Variants in TENM3 observed in about 807,000 individuals in gnomAD.
The protein encoded by TENM3 is teneurin-3.
A neutral mutation model predicts 255.1 loss-of-function variants in TENM3; 63 were observed. That is an observed-to-expected ratio of 0.25 (90% CI 0.20 to 0.30). The LOEUF is 0.30. Among genes scored for constraint, TENM3 ranks in the 10% least tolerant of loss-of-function variants. TENM3 has a pLI of 1.00. For missense variants in TENM3, 2,929 were observed against 3,461.1 expected (o/e 0.85, Z 3.86); for synonymous variants, 1,306 against 1,322.3 (o/e 0.99, Z 0.27).
At chr4:182,722,396 G>A (rs1240194923) in intron 13 of TENM3, among the ~76,000 whole-genome samples, 1 of 152,112 alleles carries the variant, frequency 6.6e-6, no homozygotes, top group Non-Finnish European at 1.5e-5. Context: ...CCTTCATTTA[G>A]CAAATGTATT....
At chr4:181,783,862 G>T in the TENM3 span, among the ~76,000 whole-genome samples, 1 of 152,038 alleles carries the variant, frequency 6.6e-6, no homozygotes, top group Non-Finnish European at 1.5e-5. Context: ...ACTATTCTCA[G>T]CTAAATTTTT....
chr4:181,755,426 A>G, the TENM3 span, among the ~76,000 whole-genome samples: 1 of 152,034 alleles, frequency 6.6e-6, no homozygotes, highest in African/African-American at 2.4e-5. Context: ...GATTGTTCTA[A>G]TTAAAAATCT....
At chr4:182,252,955 C>G (rs1192961812) in intron 1 of TENM3, among the ~76,000 whole-genome samples, 1 of 152,148 alleles carries the variant, frequency 6.6e-6, no homozygotes, top group African/African-American at 2.4e-5. Flanking sequence ...GGATCTGGAC[C>G]CAGGCCTCTC....
intron 16 of TENM3, among the ~76,000 whole-genome samples, chr4:182,731,717 G>A (rs886386432): frequency 3.3e-5 from 5 of 150,460 alleles, no homozygotes; most frequent in Admixed American, 2.6e-4. Context: ...GTGTGTGTGT[G>A]TGTGTGTGTG....
At chr4:182,010,142 T>A in the TENM3 span, among the ~76,000 whole-genome samples, 1 of 152,218 alleles carries the variant, frequency 6.6e-6, no homozygotes, top group Admixed American at 6.5e-5. Flanking sequence ...TAGTCGGCCA[T>A]CTTGGCCCCG....
At chr4:181,560,218 C>T in the TENM3 span, among the ~76,000 whole-genome samples, 1 of 150,010 alleles carries the variant, frequency 6.7e-6, no homozygotes, top group Admixed American at 6.7e-5. Flanking sequence ...TGTGGCTTCA[C>T]ATGGCAGAAG....
intron 1 of TENM3, among the ~76,000 whole-genome samples, chr4:182,247,676 G>A (rs1434084804): frequency 5.9e-5 from 9 of 152,154 alleles, no homozygotes; most frequent in Admixed American, 5.9e-4. Flanking sequence ...TTACTGAAAT[G>A]ACAAATAAGT....
intron 19 of TENM3, among the ~76,000 whole-genome samples, chr4:182,746,444 T>G (rs899122534): frequency 2.6e-5 from 4 of 152,166 alleles, no homozygotes; most frequent in African/African-American, 9.7e-5. Flanking sequence ...AGACATGTTC[T>G]GAGAGTAATC....
intron 1 of TENM3, among the ~76,000 whole-genome samples, chr4:182,162,444 A>G (rs1329655606): frequency 6.6e-6 from 1 of 152,148 alleles, no homozygotes; most frequent in Non-Finnish European, 1.5e-5. Context: ...TTAAGTCTGA[A>G]GATGTGGAAT....
chr4:181,586,387 G>A, the TENM3 span, among the ~76,000 whole-genome samples: 5 of 152,112 alleles, frequency 3.3e-5, no homozygotes, highest in African/African-American at 7.2e-5. Flanking sequence ...ATAAGAACAC[G>A]TACTTCACAT....
chr4:182,746,264 A>G (rs1445927830), intron 19 of TENM3, among the ~76,000 whole-genome samples: 1 of 152,178 alleles, frequency 6.6e-6, no homozygotes, highest in Non-Finnish European at 1.5e-5. Context: ...AAAGGAAGAG[A>G]TTACTGGGAG....
chr4:181,647,791 C>T, the TENM3 span, among the ~76,000 whole-genome samples: 3 of 151,920 alleles, frequency 2.0e-5, no homozygotes, highest in Admixed American at 2.0e-4. Context: ...TTCTTGGTAG[C>T]GAAGAAACAC....
At chr4:182,415,582 A>C (rs1172462729) in intron 3 of TENM3, among the ~76,000 whole-genome samples, 1 of 152,156 alleles carries the variant, frequency 6.6e-6, no homozygotes, top group Non-Finnish European at 1.5e-5. Context: ...AATTGCATTA[A>C]AAATTTTAAA....
chr4:182,114,176 G>A, the TENM3 span, among the ~76,000 whole-genome samples: 3 of 152,180 alleles, frequency 2.0e-5, no homozygotes, highest in East Asian at 5.8e-4. Flanking sequence ...TAATCAGTTT[G>A]TTAGAATCAT....
chr4:182,364,215 ATCATTT>A (rs1766238709), intron 3 of TENM3, among the ~76,000 whole-genome samples: 1 of 152,022 alleles, frequency 6.6e-6, no homozygotes, highest in Non-Finnish European at 1.5e-5. Flanking sequence ...TTAAGAATAA[ATCATTT>A]GAGTGTTTAA....
intron 3 of TENM3, among the ~76,000 whole-genome samples, chr4:182,370,812 T>A (rs1167386023): frequency 6.6e-6 from 1 of 152,190 alleles, no homozygotes; most frequent in African/African-American, 2.4e-5. Context: ...TTCTGCTTTC[T>A]GTTGCTAAAG....
At position 182,800,396 on chromosome 4, in the gene TENM3, G is replaced by A. The variant is rs371138677; in HGVS notation, c.*45G>A. On this transcript the variant is annotated 3_prime_UTR_variant, in exon 28 of 28. Coordinates refer to ENST00000511685, the MANE Select transcript of TENM3 (RefSeq NM_001080477.4). ...GAGCCGCTCACGCCCTGCCCACATT[G>A]TCCTGTGGCACAACCCGAGTGGGAC... 3.3e-6 allele frequency: 5 copies of A among 1,513,636 alleles called. No individual in the cohort carries two copies. 93.8% of individuals were successfully genotyped at this position (1,513,636 alleles called of 1,614,324 possible). A position where few individuals can be genotyped will look rare whatever the true frequency, so the allele number is the denominator to read the frequency against.
At chr4:182,082,390 T>C in the TENM3 span, among the ~76,000 whole-genome samples, 4 of 152,172 alleles carry the variant, frequency 2.6e-5, no homozygotes, top group Non-Finnish European at 5.9e-5. Context: ...GGAGTCAGAA[T>C]TTCTACATAT....
chr4:182,109,743 G>A, the TENM3 span, among the ~76,000 whole-genome samples: 7 of 152,196 alleles, frequency 4.6e-5, no homozygotes, highest in African/African-American at 1.7e-4. Context: ...AGTACTCTAT[G>A]AAATGTGTTG....
Sources: allele counts gnomAD v4.1 joint callset (sites outside exome capture counted in the v4.1 genomes callset), GRCh38; gene constraint gnomAD v4.1.1; transcripts MANE v1.5; gene names NCBI Gene and HGNC (gene_info 2026-07-23, HGNC 2026-07-21).